KAZN: variants seen among roughly 807,000 people sequenced by gnomAD.
KAZN encodes kazrin.
A neutral mutation model predicts 87.4 loss-of-function variants in KAZN; 40 were observed. That is an observed-to-expected ratio of 0.46 (90% CI 0.36 to 0.60). KAZN has a LOEUF of 0.60. KAZN is among the 20% of genes least tolerant of loss of function. The pLI, the probability that KAZN is intolerant of heterozygous loss-of-function variation, is 0.00. For synonymous variants in KAZN, 466 were observed against 458.3 expected (o/e 1.02, Z -0.22); for missense variants, 898 against 1,073.9 (o/e 0.84, Z 2.29).
Position 14,050,524 on chromosome 1 carries a change from G to A in KAZN, c.92-129911G>A, listed in dbSNP as rs564241420. Among the ~76,000 whole-genome samples the A allele has an allele frequency of 2.6e-5, 4 of 152,278 alleles. No homozygotes were observed. In the South Asian group the frequency reaches 8.3e-4, roughly 32 times the overall value. ...TTGGGAGAGAATATGTGACAGTGCA[G>A]GAAATACTACTATTTACAAACCCAT... On this transcript the variant is annotated intron_variant, in intron 1 of 16. Coordinates refer to the KAZN transcript ENST00000636203.
chr1:14,124,046 T>C (rs1557493866), intron 1 of KAZN, among the ~76,000 whole-genome samples: 1 of 152,170 alleles, frequency 6.6e-6, no homozygotes, highest in Admixed American at 6.5e-5. Flanking sequence ...TGACGACTTT[T>C]CCCTCCATTT....
intron 2 of KAZN, among the ~76,000 whole-genome samples, chr1:14,256,346 C>T (rs1650512609): frequency 6.6e-6 from 1 of 151,950 alleles, no homozygotes; most frequent in African/African-American, 2.4e-5. Context: ...CCCATATTAC[C>T]CACCCCCGCA....
intron 1 of KAZN, among the ~76,000 whole-genome samples, chr1:13,961,305 G>A (rs1488036839): frequency 2.6e-5 from 4 of 152,144 alleles, no homozygotes; most frequent in African/African-American, 7.2e-5. Context: ...ACAGACACAC[G>A]TATACACACA....
chr1:15,012,092 G>C (rs1427702533), intron 2 of KAZN, among the ~76,000 whole-genome samples: 1 of 152,172 alleles, frequency 6.6e-6, no homozygotes, highest in Non-Finnish European at 1.5e-5. Context: ...GGAGTAGCCT[G>C]TGAAGTAGGA....
rs12044423 is a variant in KAZN at position 15,052,606 on chromosome 1, G to A, written c.727-3485G>A. Among the ~76,000 whole-genome samples the A allele has an allele frequency of 4.3e-3, 653 of 152,212 alleles. 3 individuals carry two copies. Among genetic ancestry groups the A allele is most frequent in the South Asian group, 0.042 (204 of 4,824 alleles). On this transcript the variant is annotated intron_variant, in intron 4 of 14. Transcript: ENST00000376030. ...TATGTGTGTGCATGTGTGTATGTGT[G>A]TATATGTGTGTATGTGCATGTGTGT... is the stretch of plus-strand genomic sequence containing the variant.
At chr1:13,981,089 TTATATA>T (rs1205017791) in intron 1 of KAZN, among the ~76,000 whole-genome samples, 4 of 63,136 alleles carry the variant, frequency 6.3e-5, no homozygotes, top group East Asian at 2.8e-4. Context: ...AAATTACTCT[TTATATA>T]TATATATATA....
At chr1:13,979,774 CA>C (rs1175425046) in intron 1 of KAZN, among the ~76,000 whole-genome samples, 2 of 151,402 alleles carry the variant, frequency 1.3e-5, no homozygotes, top group Non-Finnish European at 2.9e-5. Flanking sequence ...TAAAAAATAC[CA>C]AAAAAATTAA....
At chr1:14,520,823 C>T (rs558075332) in intron 2 of KAZN, among the ~76,000 whole-genome samples, 35 of 152,248 alleles carry the variant, frequency 2.3e-4, no homozygotes, top group Non-Finnish European at 3.2e-4. Flanking sequence ...TCTGATTCAC[C>T]GGACTCAACT....
intron 2 of KAZN, among the ~76,000 whole-genome samples, chr1:14,198,978 G>T (rs1481837827): frequency 6.6e-6 from 1 of 152,138 alleles, no homozygotes; most frequent in Non-Finnish European, 1.5e-5. Context: ...TTGCACTGGA[G>T]TATTAATAAA....
At position 13,974,011 on chromosome 1, in the gene KAZN, A is replaced by G. The variant is rs145824098; in HGVS notation, c.91+80255A>G. ...CAAAATCAGCCAAAGAAAGAGATGC[A>G]TGGGGCAAAGTCTGGTGGAAACCAG... is the stretch of plus-strand genomic sequence containing the variant. On this transcript the variant is annotated intron_variant, in intron 1 of 16. Transcript: ENST00000636203. Among the ~76,000 whole-genome samples, 363 of 152,368 alleles carry G rather than the reference A, an allele frequency of 2.4e-3. 2 individuals carry two copies. The highest frequency in any genetic ancestry group is 8.5e-3 in the African/African-American group (353 of 41,592).
At chr1:14,441,675 A>C (rs1452140616) in intron 2 of KAZN, among the ~76,000 whole-genome samples, 1 of 152,226 alleles carries the variant, frequency 6.6e-6, no homozygotes, top group Non-Finnish European at 1.5e-5. Context: ...AATTTTACAT[A>C]GTGAGTCAAA....
intron 2 of KAZN, among the ~76,000 whole-genome samples, chr1:14,443,168 TA>T (rs1666791059): frequency 6.6e-6 from 1 of 152,226 alleles, no homozygotes; most frequent in Non-Finnish European, 1.5e-5. Flanking sequence ...AGTAATATAT[TA>T]AAAGAAAGGT....
At chr1:14,492,559 A>G (rs1487435250) in intron 2 of KAZN, among the ~76,000 whole-genome samples, 1 of 148,776 alleles carries the variant, frequency 6.7e-6, no homozygotes, top group Non-Finnish European at 1.5e-5. Context: ...CAATGGTGGA[A>G]GGGCCAGGAC....
intron 8 of KAZN, among the ~76,000 whole-genome samples, chr1:15,076,775 G>A (rs992425201): frequency 1.3e-5 from 2 of 152,212 alleles, no homozygotes; most frequent in African/African-American, 2.4e-5. Context: ...AACATTAGCC[G>A]TCACGACTGC....
chr1:13,960,374 C>A (rs541446807), intron 1 of KAZN, among the ~76,000 whole-genome samples: 2 of 152,238 alleles, frequency 1.3e-5, no homozygotes, highest in Non-Finnish European at 2.9e-5. Context: ...TAGAGCCGAT[C>A]GTTTGATTGT....
chr1:14,332,630 A>G (rs1412154180), intron 2 of KAZN, among the ~76,000 whole-genome samples: 1 of 152,096 alleles, frequency 6.6e-6, no homozygotes, highest in African/African-American at 2.4e-5. Context: ...TAGCACCTTA[A>G]TTGCACCTCC....
chr1:15,001,902 G>A (rs1296307128), intron 2 of KAZN, among the ~76,000 whole-genome samples: 1 of 109,178 alleles, frequency 9.2e-6, no homozygotes, highest in Non-Finnish European at 1.7e-5. Context: ...TTTTTTTTAG[G>A]TGGAGTCTCG....
At chr1:14,514,329 A>AAAATATATATATATAT (rs373748578) in intron 2 of KAZN, among the ~76,000 whole-genome samples, 1,925 of 23,462 alleles carry the variant, frequency 0.082, 617 homozygotes, top group Non-Finnish European at 0.11. Context: ...TGTCTCAAAA[A>AAAATATATATATATAT]ATTTATATAT....
chr1:14,854,075 C>T (rs1649788826), intron 1 of KAZN, among the ~76,000 whole-genome samples: 1 of 152,190 alleles, frequency 6.6e-6, no homozygotes, highest in Admixed American at 6.5e-5. Context: ...CCTGGAGGGC[C>T]ATCAGAGGAC....
Sources: allele counts gnomAD v4.1 joint callset (sites outside exome capture counted in the v4.1 genomes callset), GRCh38; gene constraint gnomAD v4.1.1; transcripts MANE v1.5; gene names NCBI Gene and HGNC (gene_info 2026-07-23, HGNC 2026-07-21).